The following CHRNA7 variants were observed in gnomAD, a reference collection of about 807,000 sequenced individuals.
The protein encoded by CHRNA7 is cholinergic receptor nicotinic alpha 7 subunit.
CHRNA7 carries 17 observed loss-of-function variants against 48.0 expected under a neutral mutation model. The observed-to-expected ratio is 0.35, with a 90% CI of 0.24 to 0.53. The LOEUF (loss-of-function observed/expected upper bound fraction) is 0.53. Among genes scored for constraint, CHRNA7 ranks in the 20% least tolerant of loss-of-function variants. The pLI is 0.92. For synonymous variants in CHRNA7, 75 were observed against 242.3 expected (o/e 0.31, Z 6.41); for missense variants, 155 against 577.7 (o/e 0.27, Z 7.50).
intron 2 of CHRNA7, among the ~76,000 whole-genome samples, chr15:32,039,889 G>C (rs1263349545): frequency 6.6e-6 from 1 of 152,012 alleles, no homozygotes; most frequent in African/African-American, 2.4e-5. Flanking sequence ...ATTTATCCTT[G>C]TAGGTCTAAT....
In CHRNA7 at chr15:32,039,789, A is replaced by G. The variant is rs113605267; in HGVS notation, c.195+8752A>G. 4.5e-3 allele frequency among the ~76,000 whole-genome samples: 687 copies of G among 152,222 alleles called. 3 individuals are homozygous for G. The highest frequency in any genetic ancestry group is 0.016 in the African/African-American group (651 of 41,562). ...ATTGATGGACAATGTTTTGAGTTCAATCATGTTTATACTGGTTTTCTGCTT... is the reference window on the plus strand; with the variant it reads ...ATTGATGGACAATGTTTTGAGTTCAGTCATGTTTATACTGGTTTTCTGCTT... On this transcript the variant is annotated intron_variant, in intron 2 of 9. Coordinates refer to ENST00000306901, the MANE Select transcript of CHRNA7 (RefSeq NM_000746.6).
chr15:32,085,796 C>T (rs2050285889), intron 2 of CHRNA7, among the ~76,000 whole-genome samples: 1 of 152,162 alleles, frequency 6.6e-6, no homozygotes, highest in Non-Finnish European at 1.5e-5. Context: ...TCTTGGACGG[C>T]AGTGTAGCTG....
chr15:32,107,755 C>T (rs570427417), intron 3 of CHRNA7, among the ~76,000 whole-genome samples: 15 of 152,230 alleles, frequency 9.9e-5, no homozygotes, highest in African/African-American at 3.6e-4. Context: ...TGTTTATAAC[C>T]CCGTCTCGAG....
chr15:32,055,151 A>G (rs991905729), intron 2 of CHRNA7, among the ~76,000 whole-genome samples: 4 of 151,160 alleles, frequency 2.6e-5, no homozygotes, highest in African/African-American at 9.7e-5. Flanking sequence ...GGTTGAGGAG[A>G]TTTTCATTTT....
intron 4 of CHRNA7, among the ~76,000 whole-genome samples, chr15:32,134,531 C>T (rs1379629931): frequency 6.6e-6 from 1 of 152,142 alleles, no homozygotes; most frequent in Non-Finnish European, 1.5e-5. Flanking sequence ...CAGATGAAAA[C>T]TGTATGAGGA....
chr15:32,033,206 C>A (rs1286959578), intron 2 of CHRNA7, among the ~76,000 whole-genome samples: 1 of 152,172 alleles, frequency 6.6e-6, no homozygotes, highest in East Asian at 1.9e-4. Flanking sequence ...TGAACAAACT[C>A]ACTTACCTTT....
At chr15:32,148,922 G>A (rs1402699046) in intron 4 of CHRNA7, among the ~76,000 whole-genome samples, 2 of 152,176 alleles carry the variant, frequency 1.3e-5, no homozygotes, top group Non-Finnish European at 2.9e-5. Context: ...TAAAGCCTAT[G>A]CAGACACCTC....
intron 2 of CHRNA7, among the ~76,000 whole-genome samples, chr15:32,091,787 C>T (rs146321577): frequency 9.6e-4 from 146 of 152,304 alleles, no homozygotes; most frequent in Non-Finnish European, 1.8e-3. Flanking sequence ...TGTCAGCTCA[C>T]GTACTTACAA....
chr15:32,152,670 C>T (rs1196337010), intron 4 of CHRNA7, among the ~76,000 whole-genome samples: 1 of 152,132 alleles, frequency 6.6e-6, no homozygotes, highest in Non-Finnish European at 1.5e-5. Context: ...TTTACCTGGT[C>T]CTGCAGTGAT....
At chr15:32,038,698 G>C (rs2049395207) in intron 2 of CHRNA7, among the ~76,000 whole-genome samples, 2 of 152,116 alleles carry the variant, frequency 1.3e-5, no homozygotes, top group South Asian at 2.1e-4. Flanking sequence ...TTGAATCTGT[G>C]TTCATCAGTG....
chr15:32,043,941 T>A (rs13380312), intron 2 of CHRNA7, among the ~76,000 whole-genome samples: 1,750 of 152,292 alleles, frequency 0.011, 36 homozygotes, highest in African/African-American at 0.04. Context: ...ATACAGACTT[T>A]GTGTTGCCGG....
In CHRNA7 at chr15:32,048,280, G is replaced by C. The variant is rs201492578; in HGVS notation, c.195+17243G>C. Among the ~76,000 whole-genome samples, 4,251 of 152,184 alleles carry C rather than the reference G, an allele frequency of 0.028. 563 individuals carry two copies. In the East Asian group the frequency reaches 0.42, roughly 15 times the overall value. On this transcript the variant is annotated intron_variant, in intron 2 of 9. Coordinates refer to ENST00000306901, the MANE Select transcript of CHRNA7 (RefSeq NM_000746.6). ...CTCCTTGTACCTCTGGTAGAATTCG[G>C]CTGTGAATCCATCTGGTCCTGGACT...
At chr15:32,140,916 T>G (rs1196460115) in intron 4 of CHRNA7, among the ~76,000 whole-genome samples, 1 of 152,230 alleles carries the variant, frequency 6.6e-6, no homozygotes, top group East Asian at 1.9e-4. Flanking sequence ...GCAGAAGCTC[T>G]TTAGTTTAAT....
At chr15:32,117,926 G>GT (rs34496514) in intron 4 of CHRNA7, among the ~76,000 whole-genome samples, 3,446 of 152,278 alleles carry the variant, frequency 0.023, 68 homozygotes, top group Non-Finnish European at 0.033. Flanking sequence ...GGTTGCTATA[G>GT]TTTGAATATT....
intron 4 of CHRNA7, among the ~76,000 whole-genome samples, chr15:32,132,723 C>A (rs1489202392): frequency 6.6e-6 from 1 of 152,060 alleles, no homozygotes; most frequent in Non-Finnish European, 1.5e-5. Flanking sequence ...CCTATAAGGC[C>A]ACCAGTCCTA....
In CHRNA7 at chr15:32,053,752, T is replaced by G. The variant is rs376445898; in HGVS notation, c.195+22715T>G. On this transcript the variant is annotated intron_variant, in intron 2 of 9. Coordinates refer to ENST00000306901, the MANE Select transcript of CHRNA7 (RefSeq NM_000746.6). ...CAATGGACTGAAACTAATAAGAAAT[T>G]AAGCAATGAATTATACAAAATCTTG... Among the ~76,000 whole-genome samples, 12 of 152,258 alleles carry G rather than the reference T, an allele frequency of 7.9e-5. No individual in the cohort carries two copies. In the East Asian group the frequency reaches 2.3e-3, roughly 29 times the overall value.
intron 2 of CHRNA7, among the ~76,000 whole-genome samples, chr15:32,079,454 T>C (rs2050183265): frequency 6.6e-6 from 1 of 152,098 alleles, no homozygotes; most frequent in Admixed American, 6.6e-5. Context: ...TTCAGCAAAA[T>C]CTCAGGACAG....
intron 4 of CHRNA7, among the ~76,000 whole-genome samples, chr15:32,126,942 T>C (rs2051076815): frequency 6.6e-6 from 1 of 152,180 alleles, no homozygotes; most frequent in Admixed American, 6.5e-5. Flanking sequence ...GTAGTATATA[T>C]AATTCTAAGC....
chr15:32,158,452 C>G lies in CHRNA7; in HGVS notation c.639C>G (p.Cys213Trp). 6.2e-7 allele frequency: 1 copy of G among 1,613,882 alleles called. No homozygotes were observed. Among genetic ancestry groups the G allele is most frequent in the Non-Finnish European group, 8.5e-7 (1 of 1,179,876 alleles). Residue 213 changes from cysteine (C) to tryptophan (W), a missense_variant, in exon 7 of 10, where the codon TGC (cysteine) becomes TGG (tryptophan). Coordinates refer to ENST00000306901, the MANE Select transcript of CHRNA7 (RefSeq NM_000746.6). ...GKRSERFYEC[C>W]KEPYPDVTFT... ...GGAGTGAAAGGTTCTATGAGTGCTGCAAAGAGCCCTACCCCGATGTCACCT... is the reference window on the plus strand; with the variant it reads ...GGAGTGAAAGGTTCTATGAGTGCTGGAAAGAGCCCTACCCCGATGTCACCT...
Sources: gnomAD v4.1 joint callset for allele counts (sites outside exome capture counted in the v4.1 genomes callset) on GRCh38, gnomAD v4.1.1 for gene constraint, MANE v1.5 for transcripts, NCBI Gene and HGNC (gene_info 2026-07-23, HGNC 2026-07-21) for gene names.